The following NEIL1 variants were observed in gnomAD, a reference collection of about 807,000 sequenced individuals.
The protein encoded by NEIL1 is endonuclease 8-like 1.
NEIL1 carries 31 observed loss-of-function variants against 44.2 expected under a neutral mutation model. The ratio of observed to expected loss-of-function variants is 0.70; its 90% confidence interval spans 0.53 to 0.95. NEIL1 has a LOEUF of 0.95. Among genes scored for constraint, NEIL1 ranks in the 40% least tolerant of loss-of-function variants. The pLI is 0.00. For missense variants in NEIL1, 549 were observed against 515.5 expected (o/e 1.07, Z -0.63); for synonymous variants, 254 against 209.7 (o/e 1.21, Z -1.83).
chr15:75,350,557 C>T (rs779096204), intron 2 of NEIL1, among the ~76,000 whole-genome samples: 4 of 152,168 alleles, frequency 2.6e-5, no homozygotes, highest in Admixed American at 6.6e-5. Context: ...CAAGTTCTCC[C>T]TTTCTGGGGG....
At chr15:75,348,080 C>A in intron 1 of NEIL1, 1 of 1,020,716 alleles carries the variant, frequency 9.8e-7, no homozygotes. Flanking sequence ...CGGGCCCTTT[C>A]CCTCCCCCAG....
Position 75,356,351 on chromosome 15 carries a change from T to C in NEIL1, c.*1317T>C, listed in dbSNP as rs1209960206. 6.2e-6 allele frequency: 10 copies of C among 1,612,260 alleles called. No individual in the cohort carries two copies. Among genetic ancestry groups the C allele is most frequent in the Non-Finnish European group, 7.6e-6 (9 of 1,179,486 alleles). On this transcript the variant is annotated 3_prime_UTR_variant, in exon 10 of 10. Coordinates refer to ENST00000355059, the MANE Select transcript of NEIL1 (RefSeq NM_024608.4). The surrounding 1 kb of genome is among the most constrained non-coding windows in gnomAD (Gnocchi z 5.8). ...GCGGGTGAAGACACGGAAAACGCACTCCAGGAGGTGGCGGGCGCTGGGCTG... is the reference window on the plus strand; with the variant it reads ...GCGGGTGAAGACACGGAAAACGCACCCCAGGAGGTGGCGGGCGCTGGGCTG...
At chr15:75,353,973 C>T (rs2072139411) in intron 6 of NEIL1, 107 bp downstream of exon 6, 13 of 1,415,174 alleles carry the variant, frequency 9.2e-6, no homozygotes, top group Non-Finnish European at 1.3e-5. Context: ...CTAGACCCTC[C>T]AAGGACCACA....
intron 1 of NEIL1, chr15:75,348,339 G>A (rs1432998801): frequency 5.1e-6 from 5 of 986,534 alleles, no homozygotes; most frequent in South Asian, 4.7e-5. Flanking sequence ...TCGGTGGTGA[G>A]CGGCCAGATC....
rs1444758571 is a variant in NEIL1, at chr15:75,356,669, C to A, written c.*1635C>A. The A allele has an allele frequency of 4.4e-6, 7 of 1,588,374 alleles. No individual in the cohort carries two copies. Among genetic ancestry groups the A allele is most frequent in the Non-Finnish European group, 6.0e-6 (7 of 1,167,870 alleles). ...CCCGTGTCAGCAGTAGCGTCCGGGG[C>A]TTTAGGCGCCCGCAAGCTGGGGTGA... On this transcript the variant is annotated 3_prime_UTR_variant, in exon 10 of 10. Transcript: ENST00000355059. This position sits in a 1 kb window ranked among gnomAD's most constrained non-coding sequence, Gnocchi z 5.8.
In NEIL1 at chr15:75,354,305, A is replaced by G. The variant is rs747844697; in HGVS notation, c.874+28A>G. 1.7e-5 allele frequency: 27 copies of G among 1,613,896 alleles called. No homozygotes were observed. In the African/African-American group the frequency reaches 3.1e-4, roughly 18 times the overall value. ...AAGCTACTCCTAATGTAATAGGCTA[A>G]GAGAGCAGAAAGGACTTCACGCCTG... On this transcript the variant is annotated intron_variant, in intron 7 of 9. Transcript: ENST00000355059.
At chr15:75,348,434 C>A in intron 1 of NEIL1, 1 of 1,012,906 alleles carries the variant, frequency 9.9e-7, no homozygotes, top group Non-Finnish European at 1.2e-6. Context: ...GTGGGAGAGC[C>A]TGGAGAAAGA....
chr15:75,348,527 G>T, intron 1 of NEIL1: 1 of 1,139,102 alleles, frequency 8.8e-7, no homozygotes, highest in Non-Finnish European at 1.1e-6. Flanking sequence ...GGACAGCAGG[G>T]GCCAAGGCGG....
At chr15:75,349,695 C>G (rs2071732050) in intron 2 of NEIL1, 1 of 231,406 alleles carries the variant, frequency 4.3e-6, no homozygotes, top group Non-Finnish European at 8.7e-6. Context: ...ATGCCTGTAA[C>G]CCCAGCTACT....
At position 75,355,330 on chromosome 15, in the gene NEIL1, C is replaced by T; in HGVS notation, c.*296C>T. 2.7e-6 allele frequency: 1 copy of T among 374,462 alleles called. No homozygotes were observed. Among genetic ancestry groups the T allele is most frequent in the Non-Finnish European group, 4.9e-6 (1 of 203,496 alleles). The allele number at this position is 374,462 out of a possible 1,614,324, so 23.2% of individuals were successfully genotyped here. A position where few individuals can be genotyped will look rare whatever the true frequency, so the allele number is the denominator to read the frequency against. On this transcript the variant is annotated 3_prime_UTR_variant, in exon 10 of 10. Transcript: ENST00000355059. Reference sequence around the variant, plus strand: ...TGGTGACAGAAGGCCCAGCTCCTCACAAGGCAAACTGAGCCCCCATCCCAG... The same window carrying T: ...TGGTGACAGAAGGCCCAGCTCCTCATAAGGCAAACTGAGCCCCCATCCCAG...
At position 75,356,151 on chromosome 15, in the gene NEIL1, G is replaced by C. The variant is rs1345822194; in HGVS notation, c.*1117G>C. The C allele has an allele frequency of 6.2e-7, 1 of 1,613,702 alleles. No individual in the cohort carries two copies. The highest frequency in any genetic ancestry group is 2.2e-5 in the East Asian group (1 of 44,878). ...CCGGCAGCGACAAGTGCAGCCAGCA[G>C]TCCACGTGGCTGCCGTGGGCCTCAT... On this transcript the variant is annotated 3_prime_UTR_variant, in exon 10 of 10. Transcript: ENST00000355059. The surrounding 1 kb of genome is among the most constrained non-coding windows in gnomAD (Gnocchi z 5.8).
rs1567268567 is a variant in NEIL1, at chr15:75,356,320, A to ACGAC, written c.*1289_*1292dup. The ACGAC allele has an allele frequency of 1.2e-6, 2 of 1,611,250 alleles. No homozygotes were observed. Among genetic ancestry groups the ACGAC allele is most frequent in the Non-Finnish European group, 8.5e-7 (1 of 1,179,244 alleles). On this transcript the variant is annotated 3_prime_UTR_variant, in exon 10 of 10. Coordinates refer to ENST00000355059, the MANE Select transcript of NEIL1 (RefSeq NM_024608.4). The surrounding 1 kb of genome is among the most constrained non-coding windows in gnomAD (Gnocchi z 5.8). ...CCTTGCCTGCTTGACGGTCTCCAAT[A>ACGAC]CGACCGCGGGTGAAGACACGGAAAA... is the stretch of plus-strand genomic sequence containing the variant.
chr15:75,347,847 C>G, intron 1 of NEIL1: 2 of 1,187,942 alleles, frequency 1.7e-6, no homozygotes, highest in Non-Finnish European at 2.2e-6. Flanking sequence ...TTTGGAGCCT[C>G]ACGTTCTCCC....
In NEIL1 at chr15:75,356,716, CTG is replaced by C; in HGVS notation, c.*1683_*1684del. 1.2e-6 allele frequency: 2 copies of C among 1,611,920 alleles called. No individual in the cohort carries two copies. Among genetic ancestry groups the C allele is most frequent in the Non-Finnish European group, 1.7e-6 (2 of 1,178,980 alleles). ...GTGAGGAGGGCGCGTAGGGGCCACGCTGAAGCTGTTGGAGTTGTGGTCGGGAA... is the reference window on the plus strand; with the variant it reads ...GTGAGGAGGGCGCGTAGGGGCCACGCAAGCTGTTGGAGTTGTGGTCGGGAA... On this transcript the variant is annotated 3_prime_UTR_variant, in exon 10 of 10. Transcript: ENST00000355059. The surrounding 1 kb of genome is among the most constrained non-coding windows in gnomAD (Gnocchi z 5.8).
rs5745909 is a variant in NEIL1, at chr15:75,349,373, G to A, written c.434+34G>A. The A allele has an allele frequency of 9.6e-3, 14,893 of 1,557,666 alleles. 89 individuals carry two copies. The highest frequency in any genetic ancestry group is 0.011 in the Non-Finnish European group (13,127 of 1,149,736). On this transcript the variant is annotated intron_variant, in intron 2 of 9. Coordinates refer to ENST00000355059, the MANE Select transcript of NEIL1 (RefSeq NM_024608.4). ...AGCACCAGGTGTGATGAACATAGTCGCGGGCTCCACACCTGACTCTCTTAG... is the reference window on the plus strand; with the variant it reads ...AGCACCAGGTGTGATGAACATAGTCACGGGCTCCACACCTGACTCTCTTAG...
Position 75,356,954 on chromosome 15 carries a change from TC to T in NEIL1, c.*1923del. ...GGTGGCCCTGTGCCCCTCTTTGTGC[TC>T]CCAGACTCCAGAGCTCCTGTCACTA... is the stretch of plus-strand genomic sequence containing the variant. On this transcript the variant is annotated 3_prime_UTR_variant, in exon 10 of 10. Transcript: ENST00000355059. This position sits in a 1 kb window ranked among gnomAD's most constrained non-coding sequence, Gnocchi z 5.8. 6.9e-7 allele frequency: 1 copy of T among 1,454,720 alleles called. No individual in the cohort carries two copies. Among genetic ancestry groups the T allele is most frequent in the Non-Finnish European group, 9.6e-7 (1 of 1,038,914 alleles). The allele number at this position is 1,454,720 out of a possible 1,614,324, so 90.1% of individuals were successfully genotyped here. A position where few individuals can be genotyped will look rare whatever the true frequency, so the allele number is the denominator to read the frequency against.
chr15:75,354,044 T>G (rs867868555), intron 6 of NEIL1, 178 bp downstream of exon 6: 53 of 1,067,104 alleles, frequency 5.0e-5, no homozygotes, highest in Middle Eastern at 2.9e-4. Flanking sequence ...CTAGTGGAAG[T>G]AGCCCAAGGC....
chr15:75,354,730 G>A lies in NEIL1; in HGVS notation c.1014G>A (p.Gln338=), dbSNP rs772388371. The A allele has an allele frequency of 6.2e-7, 1 of 1,614,152 alleles. No individual in the cohort carries two copies. Among genetic ancestry groups the A allele is most frequent in the Non-Finnish European group, 8.5e-7 (1 of 1,180,040 alleles). The part of the protein sequence containing the change: ...KRDLPKRTAT[Q]RPEGTSLQQD... ...ACCTTCCTAAGAGGACTGCAACCCA[G>A]CGGCCTGAGGGGACCAGCCTCCAGC... The change falls in exon 9 of 10, where the codon CAG becomes CAA. Residue 338 remains glutamine, a synonymous_variant. Transcript: ENST00000355059.
chr15:75,349,225 G>T lies in NEIL1; in HGVS notation c.320G>T (p.Gly107Val). The change falls in exon 2 of 10, where the codon GGC becomes GTC. Residue 107 changes from glycine to valine, a missense_variant. Transcript: ENST00000355059. Reference sequence around the variant, plus strand: ...CTGCGCTTTTACACGGCCCCGCCTGGCCCCCGGCTCGCCCTATGTTTCGTG... The same window carrying T: ...CTGCGCTTTTACACGGCCCCGCCTGTCCCCCGGCTCGCCCTATGTTTCGTG... The part of the protein sequence containing the change: ...AHLRFYTAPP[G>V]PRLALCFVDI... 1 of 1,609,980 alleles carries T rather than the reference G, an allele frequency of 6.2e-7. No homozygotes were observed. The highest frequency in any genetic ancestry group is 8.5e-7 in the Non-Finnish European group (1 of 1,179,858).
Sources: allele counts gnomAD v4.1 joint callset (sites outside exome capture counted in the v4.1 genomes callset), GRCh38; gene constraint gnomAD v4.1.1; non-coding constraint Gnocchi (gnomAD v3.1); transcripts MANE v1.5; gene names NCBI Gene and HGNC (gene_info 2026-07-23, HGNC 2026-07-21).